Variants in WWC1 observed in about 807,000 individuals in gnomAD.
WWC1 encodes WW and C2 domain containing 1.
A neutral mutation model predicts 138.4 loss-of-function variants in WWC1; 55 were observed. That is an observed-to-expected ratio of 0.40 (90% confidence interval 0.32 to 0.50). The LOEUF (loss-of-function observed/expected upper bound fraction) is 0.50. Ranked by LOEUF, WWC1 falls within the 20% of genes least tolerant of loss-of-function variation. WWC1 has a pLI of 0.72. For missense variants in WWC1, 1,226 were observed against 1,420.4 expected (o/e 0.86, Z 2.20); for synonymous variants, 524 against 564.9 (o/e 0.93, Z 1.03).
chr5:168,309,439 G>A (rs560551219), intron 1 of WWC1, among the ~76,000 whole-genome samples: 1 of 151,472 alleles, frequency 6.6e-6, no homozygotes, highest in African/African-American at 2.4e-5. Context: ...CCATGCTTAA[G>A]GTCCAAAGGG....
intron 6 of WWC1, among the ~76,000 whole-genome samples, chr5:168,408,147 C>T (rs1050424877): frequency 1.3e-5 from 2 of 151,448 alleles, no homozygotes; most frequent in Non-Finnish European, 2.9e-5. Context: ...GGATTACAGG[C>T]ATGAGCACCC....
intron 3 of WWC1, among the ~76,000 whole-genome samples, chr5:168,397,154 T>G (rs1778964946): frequency 6.6e-6 from 1 of 151,814 alleles, no homozygotes; most frequent in Non-Finnish European, 1.5e-5. Context: ...ATTCTTTTTT[T>G]TTTTTTGAGA....
intron 1 of WWC1, among the ~76,000 whole-genome samples, chr5:168,349,655 TC>T (rs1298490000): frequency 6.6e-5 from 10 of 152,178 alleles, no homozygotes; most frequent in African/African-American, 2.4e-4. Context: ...ACACAGTAGG[TC>T]CTCAGGAGTG....
At chr5:168,309,466 G>C (rs1770871105) in intron 1 of WWC1, among the ~76,000 whole-genome samples, 1 of 152,130 alleles carries the variant, frequency 6.6e-6, no homozygotes, top group Non-Finnish European at 1.5e-5. Context: ...GTGGAATGTA[G>C]ATCTTCCTCA....
intron 20 of WWC1, among the ~76,000 whole-genome samples, chr5:168,461,886 G>GT (rs1490317261): frequency 3.9e-5 from 6 of 151,984 alleles, no homozygotes; most frequent in African/African-American, 1.5e-4. Flanking sequence ...GAGAAACTCC[G>GT]TCTCTACTAA....
rs11747286 is a variant in WWC1, at chr5:168,297,644, A to G, written c.119+5373A>G. Among the ~76,000 whole-genome samples the G allele has an allele frequency of 1.0e-2, 1,516 of 151,824 alleles. 13 individuals carry two copies. The highest frequency in any genetic ancestry group is 0.02 in the Middle Eastern group (6 of 294). On this transcript the variant is annotated intron_variant, in intron 1 of 22. Coordinates refer to ENST00000265293, the MANE Select transcript of WWC1 (RefSeq NM_015238.3). ...TCCATCTCAAAAAAAAAAAAAAAAA[A>G]AAAGAAATTGAGAACCAGAGACAAG...
intron 16 of WWC1, among the ~76,000 whole-genome samples, chr5:168,442,149 A>G (rs1441618213): frequency 1.3e-5 from 2 of 152,228 alleles, no homozygotes; most frequent in Non-Finnish European, 2.9e-5. Flanking sequence ...CTGTGGAAGG[A>G]AAAAGATTAA....
At chr5:168,322,485 G>C (rs1185787015) in intron 1 of WWC1, among the ~76,000 whole-genome samples, 1 of 152,144 alleles carries the variant, frequency 6.6e-6, no homozygotes, top group Non-Finnish European at 1.5e-5. Flanking sequence ...TTTGACCTGT[G>C]GGTCATGGTT....
intron 7 of WWC1, 54 bp from the exon 8 acceptor site, chr5:168,409,868 C>T: frequency 2.5e-6 from 4 of 1,597,210 alleles, no homozygotes; most frequent in Non-Finnish European, 2.6e-6. Flanking sequence ...CGAAACCCAA[C>T]TCAGCACCGG....
intron 19 of WWC1, among the ~76,000 whole-genome samples, chr5:168,457,732 G>A (rs192527541): frequency 6.6e-4 from 101 of 152,272 alleles, no homozygotes; most frequent in Admixed American, 7.2e-4. Context: ...GGCCCCCACC[G>A]GCCCCGTTGC....
Position 168,294,242 on chromosome 5 carries a change from A to G in WWC1, c.119+1971A>G, listed in dbSNP as rs562048934. On this transcript the variant is annotated intron_variant, in intron 1 of 22. Coordinates refer to ENST00000265293, the MANE Select transcript of WWC1 (RefSeq NM_015238.3). The stretch of plus-strand genomic sequence containing the variant: ...TGATTGGCTGGAGCACAATCTCCCA[A>G]ATTTTAGTGTTACATGGACCACCTC... 1.8e-4 allele frequency among the ~76,000 whole-genome samples: 28 copies of G among 152,212 alleles called. No homozygotes were observed. The East Asian group carries it at 3.9e-3, about 21-fold the overall frequency.
At chr5:168,461,798 G>A (rs376635978) in intron 20 of WWC1, among the ~76,000 whole-genome samples, 2 of 152,198 alleles carry the variant, frequency 1.3e-5, no homozygotes, top group Admixed American at 6.5e-5. Context: ...GGTGGCTCAC[G>A]CCTGTAATCC....
chr5:168,439,224 A>G (rs1327316509), intron 15 of WWC1, among the ~76,000 whole-genome samples: 1 of 152,200 alleles, frequency 6.6e-6, no homozygotes, highest in African/African-American at 2.4e-5. Flanking sequence ...TCTCTGCATC[A>G]GTAAAAAGAG....
At chr5:168,404,196 G>C (rs1042902962) in intron 5 of WWC1, among the ~76,000 whole-genome samples, 1 of 152,174 alleles carries the variant, frequency 6.6e-6, no homozygotes, top group African/African-American at 2.4e-5. Flanking sequence ...CCCCTCCCCA[G>C]AGTCCCCAGC....
rs867930053 is a variant in WWC1, at chr5:168,346,971, G to T, written c.120-24453G>T. ...GGGTCTTGCTCATGCAGGGCAGGAA[G>T]AGCTGAGCAGGGGAGGAAATACACC... On this transcript the variant is annotated intron_variant, in intron 1 of 22. Coordinates refer to ENST00000265293, the MANE Select transcript of WWC1 (RefSeq NM_015238.3). Among the ~76,000 whole-genome samples, 16 of 152,296 alleles carry T rather than the reference G, an allele frequency of 1.1e-4. No individual in the cohort carries two copies. The South Asian group carries it at 3.1e-3, about 30-fold the overall frequency.
At chr5:168,430,678 G>GC (rs1263043434) in intron 14 of WWC1, among the ~76,000 whole-genome samples, 1 of 152,202 alleles carries the variant, frequency 6.6e-6, no homozygotes, top group East Asian at 1.9e-4. Flanking sequence ...GGGTGTGACT[G>GC]CGTGTTACCT....
chr5:168,465,078 G>A, intron 21 of WWC1, 116 bp downstream of exon 21: 3 of 1,424,228 alleles, frequency 2.1e-6, no homozygotes, highest in Non-Finnish European at 2.8e-6. Context: ...CCCACCACAG[G>A]TTCCACTGAG....
intron 1 of WWC1, among the ~76,000 whole-genome samples, chr5:168,307,304 A>G (rs1469247960): frequency 6.6e-6 from 1 of 152,204 alleles, no homozygotes; most frequent in Non-Finnish European, 1.5e-5. Context: ...ACCATCACGT[A>G]GGTCAGGCCA....
At chr5:168,441,639 C>T in intron 15 of WWC1, 43 bp from the exon 16 acceptor site, 2 of 1,596,630 alleles carry the variant, frequency 1.3e-6, no homozygotes, top group South Asian at 2.3e-5. Context: ...CCTGGTGTCC[C>T]CCCCACCGCC....
Sources: allele counts gnomAD v4.1 joint callset (sites outside exome capture counted in the v4.1 genomes callset), GRCh38; gene constraint gnomAD v4.1.1; transcripts MANE v1.5; gene names NCBI Gene and HGNC (gene_info 2026-07-23, HGNC 2026-07-21).